ATP2A2: variants seen among roughly 807,000 people sequenced by gnomAD.
ATP2A2 encodes ATPase sarcoplasmic/endoplasmic reticulum Ca2+ transporting 2.
In ATP2A2, 14 loss-of-function variants were observed where a neutral mutation model predicts 109.3. The ratio of observed to expected loss-of-function variants is 0.13; its 90% CI spans 0.08 to 0.20. ATP2A2 has a LOEUF of 0.20. Ranked by LOEUF, ATP2A2 falls within the 10% of genes least tolerant of loss-of-function variation. The pLI is 1.00. For missense variants in ATP2A2, 657 were observed against 1,321.6 expected (o/e 0.50, Z 7.80); for synonymous variants, 506 against 490.9 (o/e 1.03, Z -0.41).
In ATP2A2 at chr12:110,350,647, T is replaced by C. The variant is rs745857826; in HGVS notation, c.*4177T>C. ...CGCCACATTTCTCTGCAAAATGTCA[T>C]AGCTTATATAAATGTACAGTATTCA... On this transcript the variant is annotated 3_prime_UTR_variant, in exon 20 of 20. Transcript: ENST00000539276. 26 of 402,592 alleles carry C rather than the reference T, an allele frequency of 6.5e-5. No homozygotes were observed. Among genetic ancestry groups the C allele is most frequent in the Non-Finnish European group, 1.1e-4 (23 of 218,494 alleles). The allele number at this position is 402,592 out of a possible 1,614,324, so 24.9% of individuals were successfully genotyped here. A position where few individuals can be genotyped will look rare whatever the true frequency, so the allele number is the denominator to read the frequency against.
At position 110,340,886 on chromosome 12, in the gene ATP2A2, C is replaced by T. The variant is rs528153581; in HGVS notation, c.1989C>T (p.Ser663=). ...GGGAGTTTGATGAACTCAACCCCTC[C>T]GCCCAGCGAGACGCCTGCCTGAACG... ...TGREFDELNP[S]AQRDACLNAR... The change falls in exon 14 of 20, where the codon TCC becomes TCT. Residue 663 remains serine (S), a synonymous_variant. Coordinates refer to ENST00000539276, the MANE Select transcript of ATP2A2 (RefSeq NM_170665.4). The surrounding 1 kb of genome is among the most constrained non-coding windows in gnomAD (Gnocchi z 6.0). 10 of 1,614,216 alleles carry T rather than the reference C, an allele frequency of 6.2e-6. No homozygotes were observed. Among genetic ancestry groups the T allele is most frequent in the South Asian group, 3.3e-5 (3 of 91,082 alleles).
chr12:110,330,975 G>C (rs1039690906), intron 8 of ATP2A2: 1 of 152,192 alleles, frequency 6.6e-6, no homozygotes, highest in South Asian at 2.1e-4. Flanking sequence ...TGGGCACAGT[G>C]GTTCACGCCT....
chr12:110,317,110 T>C (rs979770987), intron 5 of ATP2A2, among the ~76,000 whole-genome samples: 2 of 152,168 alleles, frequency 1.3e-5, no homozygotes, highest in African/African-American at 4.8e-5. Flanking sequence ...ATGAAGAATT[T>C]CATTCAGTCT....
At chr12:110,288,354 G>A (rs991521298) in intron 3 of ATP2A2, among the ~76,000 whole-genome samples, 4 of 151,548 alleles carry the variant, frequency 2.6e-5, no homozygotes, top group East Asian at 1.9e-4. Flanking sequence ...TTTTCCCAAA[G>A]CATTAGGATT....
At chr12:110,322,702 A>G (rs1217889277) in intron 5 of ATP2A2, among the ~76,000 whole-genome samples, 2 of 152,170 alleles carry the variant, frequency 1.3e-5, no homozygotes, top group Non-Finnish European at 2.9e-5. Context: ...TTTAAAGTGA[A>G]AGCTTGAAGG....
chr12:110,325,642 A>G (rs931731878), intron 6 of ATP2A2, among the ~76,000 whole-genome samples: 35 of 151,912 alleles, frequency 2.3e-4, no homozygotes, highest in African/African-American at 8.2e-4. Flanking sequence ...AAAAAAAAAA[A>G]GTAGTTCTTT....
intron 3 of ATP2A2, among the ~76,000 whole-genome samples, chr12:110,283,708 C>A (rs950876520): frequency 3.9e-5 from 6 of 152,108 alleles, no homozygotes; most frequent in Admixed American, 3.3e-4. Context: ...GTTATTCTTA[C>A]AAAAACCACG....
chr12:110,331,490 C>CCACCA (rs1373381473), intron 8 of ATP2A2: 1 of 152,116 alleles, frequency 6.6e-6, no homozygotes, highest in Non-Finnish European at 1.5e-5. Flanking sequence ...CAGGTGCCCA[C>CCACCA]CACCACGCCC....
chr12:110,310,860 A>G (rs1052473180), intron 5 of ATP2A2, among the ~76,000 whole-genome samples: 1 of 152,270 alleles, frequency 6.6e-6, no homozygotes, highest in African/African-American at 2.4e-5. Context: ...GTTAACATGC[A>G]GTACTGAGAT....
At chr12:110,335,178 C>T (rs1878724363) in intron 11 of ATP2A2, among the ~76,000 whole-genome samples, 1 of 152,202 alleles carries the variant, frequency 6.6e-6, no homozygotes, top group African/African-American at 2.4e-5. Flanking sequence ...TCCCTCCTGC[C>T]AAGACCACCA....
In ATP2A2 at chr12:110,340,544, A is replaced by G; in HGVS notation, c.1762-115A>G. 2 of 1,284,316 alleles carry G rather than the reference A, an allele frequency of 1.6e-6. No homozygotes were observed. Among genetic ancestry groups the G allele is most frequent in the Non-Finnish European group, 2.2e-6 (2 of 916,596 alleles). The allele number at this position is 1,284,316 out of a possible 1,614,324, so 79.6% of individuals were successfully genotyped here. On this transcript the variant is annotated intron_variant, in intron 13 of 19. Transcript: ENST00000539276. The surrounding 1 kb of genome is among the most constrained non-coding windows in gnomAD (Gnocchi z 6.0). ...CAAGAGCGAAACTCCGCCTCAAAAA[A>G]AAAAAAAGAAAAAAAATGCAGAAAC... is the stretch of plus-strand genomic sequence containing the variant.
rs146845081 is a variant in ATP2A2, at chr12:110,308,759, G to A, written c.463+12022G>A. ...TTTAATTCTGAATTTTTTCTTGTCA[G>A]TCGAAGGTACTATTTGCGTAGCCTG... On this transcript the variant is annotated intron_variant, in intron 5 of 19. Transcript: ENST00000539276. Among the ~76,000 whole-genome samples, 400 of 152,272 alleles carry A rather than the reference G, an allele frequency of 2.6e-3. 2 individuals carry two copies. The highest frequency in any genetic ancestry group is 8.7e-3 in the African/African-American group (360 of 41,544).
At chr12:110,284,170 G>T (rs1330506086) in intron 3 of ATP2A2, among the ~76,000 whole-genome samples, 5 of 152,164 alleles carry the variant, frequency 3.3e-5, no homozygotes, top group African/African-American at 4.8e-5. Flanking sequence ...CTTCTTGATT[G>T]ATTAAAAAAT....
chr12:110,333,491 T>G (rs1396610875), intron 10 of ATP2A2, among the ~76,000 whole-genome samples: 1 of 152,208 alleles, frequency 6.6e-6, no homozygotes, highest in African/African-American at 2.4e-5. Flanking sequence ...TGACTGAGCA[T>G]TGCAGTTAGT....
In ATP2A2 at chr12:110,292,067, A is replaced by G. The variant is rs760503724; in HGVS notation, c.267A>G (p.Val89=). The G allele has an allele frequency of 1.2e-6, 2 of 1,614,240 alleles. No homozygotes were observed. Among genetic ancestry groups the G allele is most frequent in the Non-Finnish European group, 8.5e-7 (1 of 1,180,048 alleles). ...EEGEETITAF[V]EPFVILLILV... ...GTGAAGAAACAATTACAGCCTTTGT[A>G]GAACCTTTTGTAATTTTACTCATAT... is the stretch of plus-strand genomic sequence containing the variant. The change falls in exon 4 of 20, where the codon GTA becomes GTG. Residue 89 remains valine (V), a synonymous_variant. Coordinates refer to ENST00000539276, the MANE Select transcript of ATP2A2 (RefSeq NM_170665.4).
At chr12:110,286,685 C>A (rs549136518) in intron 3 of ATP2A2, among the ~76,000 whole-genome samples, 1 of 149,342 alleles carries the variant, frequency 6.7e-6, no homozygotes, top group African/African-American at 2.5e-5. Context: ...GTTTAATTTC[C>A]ATTTCCTCTT....
chr12:110,343,846 A>G (rs1367851823), intron 16 of ATP2A2, among the ~76,000 whole-genome samples: 1 of 152,204 alleles, frequency 6.6e-6, no homozygotes, highest in Non-Finnish European at 1.5e-5. Flanking sequence ...CCTTTTATAT[A>G]TAAATCATCT....
At chr12:110,337,964 G>A (rs754157240) in intron 11 of ATP2A2, among the ~76,000 whole-genome samples, 15 of 152,308 alleles carry the variant, frequency 9.8e-5, no homozygotes, top group Non-Finnish European at 1.9e-4. Context: ...TGTAGGTAAC[G>A]ATATAAAGCC....
chr12:110,340,663 A>G lies in ATP2A2; in HGVS notation c.1766A>G (p.Asn589Ser), dbSNP rs748308531. 4.6e-5 allele frequency: 74 copies of G among 1,614,068 alleles called. No individual in the cohort carries two copies. Among genetic ancestry groups the G allele is most frequent in the Admixed American group, 1.0e-4 (6 of 60,010 alleles). Residue 589 changes from asparagine (N) to serine (S), a missense_variant, in exon 14 of 20, where the codon AAT (asparagine) becomes AGT (serine). Physicochemically the swap from Asn to Ser is conservative, Grantham distance 46 (BLOSUM62 1). This residue lies in a region of ATP2A2 where 180 missense variants were observed against 329.1 expected (regional missense o/e 0.55). Transcript: ENST00000539276. The surrounding 1 kb of genome is among the most constrained non-coding windows in gnomAD (Gnocchi z 6.0). ...AAAGTGATGCTCTTATTTTAGACCA[A>G]TCTGACCTTCGTTGGCTGCGTGGGC... Reference protein sequence around the residue: ...DSANFIKYETNLTFVGCVGML... With the variant: ...DSANFIKYETSLTFVGCVGML...
Sources: gnomAD v4.1 joint callset for allele counts (sites outside exome capture counted in the v4.1 genomes callset) on GRCh38, gnomAD v4.1.1 for gene constraint, gnomAD v4.1.1 regional missense constraint, Gnocchi (gnomAD v3.1) non-coding constraint, MANE v1.5 for transcripts, NCBI Gene and HGNC (gene_info 2026-07-23, HGNC 2026-07-21) for gene names.